Variants in PAN3 observed in about 807,000 individuals in gnomAD.
The protein encoded by PAN3 is PAN2-PAN3 deadenylation complex subunit PAN3.
A neutral mutation model predicts 96.2 loss-of-function variants in PAN3; 19 were observed. That is an observed-to-expected ratio of 0.20 (90% CI 0.14 to 0.29). PAN3 has a LOEUF of 0.29. Ranked by LOEUF, PAN3 falls within the 10% of genes least tolerant of loss-of-function variation. The pLI is 1.00. For missense variants in PAN3, 882 were observed against 1,108.1 expected, an observed-to-expected ratio of 0.80 and a Z score of 2.90; for synonymous variants, 433 against 406.6, an observed-to-expected ratio of 1.06 and a Z score of -0.78.
At chr13:28,159,284 G>A (rs965471715) in intron 1 of PAN3, among the ~76,000 whole-genome samples, 1 of 152,136 alleles carries the variant, frequency 6.6e-6, no homozygotes, top group African/African-American at 2.4e-5. Context: ...AAAAAGAACA[G>A]GATAATGTCC....
intron 5 of PAN3, among the ~76,000 whole-genome samples, chr13:28,203,510 T>C (rs1409890685): frequency 6.6e-6 from 1 of 151,722 alleles, no homozygotes; most frequent in Non-Finnish European, 1.5e-5. Flanking sequence ...GGTTTCTCCA[T>C]ATTGCTCAGG....
At chr13:28,197,963 G>C (rs1361829258) in intron 5 of PAN3, among the ~76,000 whole-genome samples, 1 of 151,964 alleles carries the variant, frequency 6.6e-6, no homozygotes, top group African/African-American at 2.4e-5. Flanking sequence ...AGTTATTCAG[G>C]ATAGGACTAC....
chr13:28,264,528 A>G (rs558198882), intron 9 of PAN3, among the ~76,000 whole-genome samples: 55 of 152,290 alleles, frequency 3.6e-4, no homozygotes, highest in Admixed American at 2.0e-3. Flanking sequence ...TGTCTCCAAA[A>G]AAAAAGAAAA....
chr13:28,250,714 G>T (rs1436089522), intron 6 of PAN3, among the ~76,000 whole-genome samples: 1 of 151,740 alleles, frequency 6.6e-6, no homozygotes, highest in Admixed American at 6.6e-5. Context: ...ATGTTGCCCA[G>T]ACTGGCCTCT....
chr13:28,172,143 G>T (rs1347102167), intron 1 of PAN3, among the ~76,000 whole-genome samples: 1 of 152,206 alleles, frequency 6.6e-6, no homozygotes, highest in Admixed American at 6.5e-5. Flanking sequence ...TTCTTTCGCA[G>T]TGTCACAGAC....
chr13:28,280,231 G>A (rs1389453006), intron 15 of PAN3, among the ~76,000 whole-genome samples, 181 bp from the exon 16 acceptor site: 1 of 152,214 alleles, frequency 6.6e-6, no homozygotes. Context: ...TCCATTGGCT[G>A]TTACAGTTTT....
At chr13:28,253,631 C>A (rs1255429844) in intron 6 of PAN3, among the ~76,000 whole-genome samples, 1 of 148,962 alleles carries the variant, frequency 6.7e-6, no homozygotes, top group Admixed American at 6.7e-5. Flanking sequence ...GACAGGGTCT[C>A]GCTATGTTAC....
At chr13:28,241,052 A>G (rs915251412) in intron 6 of PAN3, among the ~76,000 whole-genome samples, 1 of 152,186 alleles carries the variant, frequency 6.6e-6, no homozygotes, top group Non-Finnish European at 1.5e-5. Flanking sequence ...GCTTGAGTCC[A>G]GAGTTCAAGA....
At chr13:28,173,484 TA>T (rs1215933703) in intron 1 of PAN3, among the ~76,000 whole-genome samples, 1 of 152,196 alleles carries the variant, frequency 6.6e-6, no homozygotes, top group Non-Finnish European at 1.5e-5. Flanking sequence ...AAATAAATTT[TA>T]AAAACTAAGA....
intron 6 of PAN3, among the ~76,000 whole-genome samples, chr13:28,237,367 C>G (rs1883208204): frequency 6.6e-6 from 1 of 152,102 alleles, no homozygotes; most frequent in Non-Finnish European, 1.5e-5. Context: ...TGGAACCTAA[C>G]TATATCACTG....
intron 5 of PAN3, among the ~76,000 whole-genome samples, chr13:28,217,458 T>G (rs1298817192): frequency 2.0e-5 from 3 of 152,110 alleles, no homozygotes; most frequent in Non-Finnish European, 4.4e-5. Context: ...GACACACACC[T>G]GTAATCCCTG....
intron 4 of PAN3, among the ~76,000 whole-genome samples, chr13:28,189,830 GATCC>G (rs1877006212): frequency 6.6e-6 from 1 of 152,162 alleles, no homozygotes; most frequent in African/African-American, 2.4e-5. Context: ...ATTTTAGCAA[GATCC>G]CTGGAAGATT....
At chr13:28,262,646 G>C (rs1348800144) in intron 9 of PAN3, among the ~76,000 whole-genome samples, 1 of 152,118 alleles carries the variant, frequency 6.6e-6, no homozygotes, top group Non-Finnish European at 1.5e-5. Context: ...CACAAAGACC[G>C]GAAAGGAGAA....
chr13:28,144,549 A>C (rs893933314), intron 1 of PAN3, among the ~76,000 whole-genome samples: 7 of 151,858 alleles, frequency 4.6e-5, no homozygotes, highest in African/African-American at 1.7e-4. Flanking sequence ...AACTCGAGGG[A>C]TAACGTAACT....
intron 16 of PAN3, 27 bp from the exon 17 acceptor site, chr13:28,281,288 T>G: frequency 6.3e-7 from 1 of 1,586,366 alleles, no homozygotes; most frequent in Non-Finnish European, 8.6e-7. Flanking sequence ...AACATTAACA[T>G]TTTTCTCTTT....
chr13:28,214,795 G>A (rs1880525361), intron 5 of PAN3: 2 of 610,914 alleles, frequency 3.3e-6, no homozygotes, highest in South Asian at 3.3e-5. Context: ...GATGCCCCAG[G>A]ACACAGAGAC....
chr13:28,204,387 C>T (rs1777768189), intron 5 of PAN3, among the ~76,000 whole-genome samples: 1 of 152,172 alleles, frequency 6.6e-6, no homozygotes, highest in Admixed American at 6.5e-5. Context: ...TATTTTATCA[C>T]CTGTCCTACA....
intron 17 of PAN3, among the ~76,000 whole-genome samples, chr13:28,282,422 T>G (rs375110103): frequency 2.6e-5 from 4 of 152,220 alleles, no homozygotes; most frequent in African/African-American, 9.6e-5. Flanking sequence ...CCCTAATAAT[T>G]TTTCTAAGTG....
At chr13:28,186,408 T>C (rs1056082408) in intron 4 of PAN3, among the ~76,000 whole-genome samples, 12 of 152,232 alleles carry the variant, frequency 7.9e-5, no homozygotes, top group African/African-American at 2.2e-4. Context: ...TTTTATCATC[T>C]GTAAAGTTGG....
Sources: gnomAD v4.1 joint callset for allele counts (sites outside exome capture counted in the v4.1 genomes callset) on GRCh38, gnomAD v4.1.1 for gene constraint, MANE v1.5 for transcripts, NCBI Gene and HGNC (gene_info 2026-07-23, HGNC 2026-07-21) for gene names.